HEMK2: variants seen among roughly 807,000 people sequenced by gnomAD.
HEMK2 encodes the protein HemK methyltransferase 2, ETF1 glutamine and histone H4 lysine, also known as methyltransferase HEMK2.
the HEMK2 span, among the ~76,000 whole-genome samples, chr21:28,882,511 T>C: frequency 5.9e-5 from 9 of 151,986 alleles, no homozygotes; most frequent in Non-Finnish European, 1.2e-4. Flanking sequence ...GAATTATACA[T>C]CCAATGAAGG....
the HEMK2 span, among the ~76,000 whole-genome samples, chr21:28,690,151 C>T: frequency 6.6e-6 from 1 of 152,270 alleles, no homozygotes; most frequent in East Asian, 1.9e-4. Context: ...ACCATGAGAA[C>T]AGTATGAGGG....
the HEMK2 span, among the ~76,000 whole-genome samples, chr21:28,599,429 C>A: frequency 6.6e-6 from 1 of 152,166 alleles, no homozygotes; most frequent in Non-Finnish European, 1.5e-5. Context: ...ACCATCAGAT[C>A]TTGTGAGACT....
At chr21:28,724,769 T>TTTTTCG in the HEMK2 span, among the ~76,000 whole-genome samples, 1 of 152,028 alleles carries the variant, frequency 6.6e-6, no homozygotes, top group African/African-American at 2.4e-5. Flanking sequence ...ATGTATCAGG[T>TTTTTCG]TTTTTGTTTT....
At chr21:28,630,350 C>CCA in the HEMK2 span, among the ~76,000 whole-genome samples, 1 of 152,110 alleles carries the variant, frequency 6.6e-6, no homozygotes, top group Non-Finnish European at 1.5e-5. Context: ...ACTAGTTCAA[C>CCA]CATTGCGGAA....
the HEMK2 span, among the ~76,000 whole-genome samples, chr21:28,774,004 C>T: frequency 6.6e-6 from 1 of 152,118 alleles, no homozygotes; most frequent in African/African-American, 2.4e-5. Flanking sequence ...TTATCATTTG[C>T]AATTCTTACA....
chr21:28,765,220 C>G, the HEMK2 span, among the ~76,000 whole-genome samples: 2 of 152,080 alleles, frequency 1.3e-5, no homozygotes, highest in African/African-American at 4.8e-5. Flanking sequence ...ATTCTACCAA[C>G]GACCACATGA....
chr21:28,601,403 G>T, the HEMK2 span, among the ~76,000 whole-genome samples: 2 of 152,070 alleles, frequency 1.3e-5, no homozygotes, highest in Non-Finnish European at 2.9e-5. Context: ...TCTCTTCTTG[G>T]AACATTAGTC....
At chr21:28,833,227 TG>T in the HEMK2 span, among the ~76,000 whole-genome samples, 5 of 152,236 alleles carry the variant, frequency 3.3e-5, no homozygotes, top group African/African-American at 1.2e-4. Flanking sequence ...ACTTATAGTT[TG>T]ATTAGAAAGA....
At chr21:28,857,803 T>C in the HEMK2 span, among the ~76,000 whole-genome samples, 5 of 152,222 alleles carry the variant, frequency 3.3e-5, no homozygotes, top group South Asian at 4.1e-4. Context: ...CTACTCTCTA[T>C]GTTAAATCTA....
the HEMK2 span, among the ~76,000 whole-genome samples, chr21:28,618,096 T>C: frequency 6.6e-6 from 1 of 152,170 alleles, no homozygotes. Flanking sequence ...CCTTGGCTGT[T>C]TTAAAGATTA....
chr21:28,846,913 C>T, the HEMK2 span, among the ~76,000 whole-genome samples: 673 of 152,060 alleles, frequency 4.4e-3, 6 homozygotes, highest in African/African-American at 0.015. Context: ...TGCATTAGTT[C>T]GCTTAGAATA....
the HEMK2 span, among the ~76,000 whole-genome samples, chr21:28,734,446 T>C: frequency 2.0e-5 from 3 of 152,182 alleles, no homozygotes; most frequent in Non-Finnish European, 2.9e-5. Flanking sequence ...GCAATCATAT[T>C]TATAATGGTG....
the HEMK2 span, among the ~76,000 whole-genome samples, chr21:28,601,816 T>C: frequency 6.6e-6 from 1 of 152,212 alleles, no homozygotes; most frequent in South Asian, 2.1e-4. Flanking sequence ...AATGAATGAA[T>C]GGATGTCTGA....
the HEMK2 span, among the ~76,000 whole-genome samples, chr21:28,746,809 A>G: frequency 2.0e-5 from 3 of 152,188 alleles, no homozygotes; most frequent in African/African-American, 7.2e-5. Flanking sequence ...AGGGGTGAGA[A>G]GGGAAGGGAG....
chr21:28,826,766 T>C, the HEMK2 span, among the ~76,000 whole-genome samples: 2 of 152,212 alleles, frequency 1.3e-5, no homozygotes, highest in Non-Finnish European at 2.9e-5. Context: ...GTAGAAATAA[T>C]CTTCTCAATC....
the HEMK2 span, among the ~76,000 whole-genome samples, chr21:28,715,171 G>A: frequency 1.3e-5 from 2 of 152,152 alleles, no homozygotes; most frequent in African/African-American, 4.8e-5. Context: ...TTGATTACTA[G>A]GTCAAATGGT....
chr21:28,584,849 C>G, the HEMK2 span, among the ~76,000 whole-genome samples: 1 of 151,984 alleles, frequency 6.6e-6, no homozygotes, highest in African/African-American at 2.4e-5. Context: ...TCATCTGTCT[C>G]TCCAAAACAA....
the HEMK2 span, among the ~76,000 whole-genome samples, chr21:28,836,763 G>T: frequency 6.6e-6 from 1 of 151,868 alleles, no homozygotes; most frequent in Non-Finnish European, 1.5e-5. Context: ...GCCTTCAGGG[G>T]ACTCAGCTAA....
At chr21:28,591,290 A>T in the HEMK2 span, among the ~76,000 whole-genome samples, 1 of 152,182 alleles carries the variant, frequency 6.6e-6, no homozygotes, top group African/African-American at 2.4e-5. Flanking sequence ...GGTTTTCAAG[A>T]GAAAGTTAGC....
Sources: gnomAD v4.1 joint callset for allele counts (sites outside exome capture counted in the v4.1 genomes callset) on GRCh38, gnomAD v4.1.1 for gene constraint, MANE v1.5 for transcripts, NCBI Gene and HGNC (gene_info 2026-07-23, HGNC 2026-07-21) for gene names.